The following CDKAL1 variants were observed in gnomAD, a reference collection of about 807,000 sequenced individuals.
The protein encoded by CDKAL1 is threonylcarbamoyladenosine tRNA methylthiotransferase.
Under a neutral mutation model 68.2 loss-of-function variants are expected in CDKAL1, and 32 were observed. That is an observed-to-expected ratio of 0.47 (90% CI 0.35 to 0.63). CDKAL1 has a LOEUF of 0.63. Ranked by LOEUF, CDKAL1 falls within the 30% of genes least tolerant of loss-of-function variation. CDKAL1 has a pLI of 0.00. For missense variants in CDKAL1, 606 were observed against 696.7 expected, an observed-to-expected ratio of 0.87 and a Z score of 1.47; for synonymous variants, 234 against 244.3, an observed-to-expected ratio of 0.96 and a Z score of 0.39.
intron 9 of CDKAL1, among the ~76,000 whole-genome samples, chr6:20,906,371 A>C (rs1419199792): frequency 6.6e-6 from 1 of 152,208 alleles, no homozygotes; most frequent in Non-Finnish European, 1.5e-5. Context: ...AGCTGATATA[A>C]ATCCAAATTA....
intron 8 of CDKAL1, among the ~76,000 whole-genome samples, chr6:20,845,440 AT>A (rs1461031122): frequency 6.6e-6 from 1 of 152,020 alleles, no homozygotes; most frequent in Non-Finnish European, 1.5e-5. Flanking sequence ...AAATATGCCT[AT>A]TTTTTAATTT....
intron 13 of CDKAL1, among the ~76,000 whole-genome samples, chr6:21,192,070 G>A (rs888763866): frequency 6.0e-5 from 7 of 117,102 alleles, no homozygotes; most frequent in East Asian, 5.3e-4. Flanking sequence ...GCCGGACTGC[G>A]GACTGCAGTG....
chr6:20,638,434 G>A (rs1332334876), intron 4 of CDKAL1, among the ~76,000 whole-genome samples: 1 of 152,016 alleles, frequency 6.6e-6, no homozygotes, highest in Non-Finnish European at 1.5e-5. Flanking sequence ...TAGGCCTAAG[G>A]GCCTGACAGC....
intron 4 of CDKAL1, among the ~76,000 whole-genome samples, chr6:20,617,017 G>A (rs1465076089): frequency 1.4e-5 from 2 of 147,442 alleles, no homozygotes; most frequent in Admixed American, 6.9e-5. Context: ...TCCAGGCTGG[G>A]TGAGTGAAAC....
At chr6:21,110,601 TG>T (rs1774071665) in intron 13 of CDKAL1, among the ~76,000 whole-genome samples, 1 of 152,236 alleles carries the variant, frequency 6.6e-6, no homozygotes, top group African/African-American at 2.4e-5. Context: ...GTGATCCTTA[TG>T]AAAATATATA....
rs571275964 is a variant in CDKAL1 at position 20,902,527 on chromosome 6, G to A, written c.743-52892G>A. Among the ~76,000 whole-genome samples the A allele has an allele frequency of 2.6e-5, 4 of 152,226 alleles. No individual in the cohort carries two copies. The South Asian group carries it at 6.2e-4, about 24-fold the overall frequency. On this transcript the variant is annotated intron_variant, in intron 9 of 15. Transcript: ENST00000274695. ...AGTTCTGGAGTTCCAGTTTGAACAT[G>A]TTATTTTGAAATGCCTGTGAGATAT...
At chr6:20,938,525 A>G (rs1315021997) in intron 9 of CDKAL1, among the ~76,000 whole-genome samples, 1 of 152,182 alleles carries the variant, frequency 6.6e-6, no homozygotes, top group Non-Finnish European at 1.5e-5. Flanking sequence ...ATGGTCTTCA[A>G]ATGATTCTCT....
At chr6:20,738,541 T>A (rs547816486) in intron 5 of CDKAL1, among the ~76,000 whole-genome samples, 1 of 145,596 alleles carries the variant, frequency 6.9e-6, no homozygotes, top group African/African-American at 2.5e-5. Flanking sequence ...CAGGCTAGAA[T>A]ACAGTGGCGC....
chr6:20,697,853 G>A (rs895380975), intron 5 of CDKAL1, among the ~76,000 whole-genome samples: 18 of 152,134 alleles, frequency 1.2e-4, no homozygotes, highest in African/African-American at 3.4e-4. Flanking sequence ...GCTATCTCCT[G>A]GTATGGGTTT....
chr6:21,070,070 A>G (rs1002678504), intron 12 of CDKAL1, among the ~76,000 whole-genome samples: 3 of 152,078 alleles, frequency 2.0e-5, no homozygotes, highest in African/African-American at 4.8e-5. Context: ...GATTACAGGC[A>G]TGAGCCAGGT....
At chr6:20,603,977 G>T (rs182713580) in intron 4 of CDKAL1, among the ~76,000 whole-genome samples, 2 of 150,352 alleles carry the variant, frequency 1.3e-5, no homozygotes, top group African/African-American at 4.9e-5. Flanking sequence ...TATCTTGGTG[G>T]TCAGAGACCT....
chr6:20,886,652 T>C (rs899857817), intron 9 of CDKAL1, among the ~76,000 whole-genome samples: 1 of 152,190 alleles, frequency 6.6e-6, no homozygotes, highest in Admixed American at 6.5e-5. Context: ...GGACAAATAT[T>C]GTATGATCCC....
chr6:20,695,637 T>C (rs1187228048), intron 5 of CDKAL1, among the ~76,000 whole-genome samples: 2 of 152,212 alleles, frequency 1.3e-5, no homozygotes, highest in Non-Finnish European at 2.9e-5. Flanking sequence ...TCCATCATTC[T>C]TTTGTTTTAT....
intron 8 of CDKAL1, among the ~76,000 whole-genome samples, chr6:20,806,554 C>G (rs925109979): frequency 1.3e-5 from 2 of 152,126 alleles, no homozygotes; most frequent in Non-Finnish European, 2.9e-5. Context: ...CGCCAAACTG[C>G]TTTCCACAAT....
chr6:21,002,387 C>G (rs747652402), intron 11 of CDKAL1, among the ~76,000 whole-genome samples: 3 of 152,124 alleles, frequency 2.0e-5, no homozygotes, highest in Non-Finnish European at 4.4e-5. Flanking sequence ...GGAGATCACA[C>G]TCCATCCCAT....
chr6:21,170,751 G>A lies in CDKAL1; in HGVS notation c.1300-27270G>A, dbSNP rs116169438. Among the ~76,000 whole-genome samples, 1,163 of 152,256 alleles carry A rather than the reference G, an allele frequency of 7.6e-3. 16 individuals are homozygous for A. Among genetic ancestry groups the A allele is most frequent in the African/African-American group, 0.026 (1,100 of 41,538 alleles). On this transcript the variant is annotated intron_variant, in intron 13 of 15. Coordinates refer to ENST00000274695, the MANE Select transcript of CDKAL1 (RefSeq NM_017774.3). ...TTTTACTGATATTTTCATGTTGAAGGTAGGGAAAGCTTTGTGTAATTTACA... is the reference window on the plus strand; with the variant it reads ...TTTTACTGATATTTTCATGTTGAAGATAGGGAAAGCTTTGTGTAATTTACA...
intron 5 of CDKAL1, among the ~76,000 whole-genome samples, chr6:20,729,451 A>G (rs577735536): frequency 6.6e-6 from 1 of 152,250 alleles, no homozygotes; most frequent in Admixed American, 6.5e-5. Flanking sequence ...TACCCTCTTT[A>G]TAAAAATTGG....
chr6:21,041,736 A>C (rs1467328397), intron 11 of CDKAL1, among the ~76,000 whole-genome samples: 1 of 152,120 alleles, frequency 6.6e-6, no homozygotes, highest in African/African-American at 2.4e-5. Flanking sequence ...TTTTTGATGA[A>C]TAGGGACTTA....
chr6:20,689,687 T>A (rs997224131), intron 5 of CDKAL1, among the ~76,000 whole-genome samples: 1 of 152,202 alleles, frequency 6.6e-6, no homozygotes, highest in Non-Finnish European at 1.5e-5. Context: ...TATTACTGGT[T>A]GTTACTTGTT....
Sources: allele counts gnomAD v4.1 joint callset (sites outside exome capture counted in the v4.1 genomes callset), GRCh38; gene constraint gnomAD v4.1.1; transcripts MANE v1.5; gene names NCBI Gene and HGNC (gene_info 2026-07-23, HGNC 2026-07-21).